Variants in SIPA1L1 observed in about 807,000 individuals in gnomAD.
The protein encoded by SIPA1L1 is signal-induced proliferation-associated 1-like protein 1.
In SIPA1L1, 26 loss-of-function variants were observed where a neutral mutation model predicts 162.7. The observed-to-expected ratio is 0.16, with a 90% CI of 0.12 to 0.22. The LOEUF is 0.22. SIPA1L1 is among the 10% of genes least tolerant of loss of function. The pLI is 1.00. For synonymous variants in SIPA1L1, 829 were observed against 837.4 expected (o/e 0.99, Z 0.17); for missense variants, 1,874 against 2,241.0 (o/e 0.84, Z 3.31).
chr14:71,710,509 G>A (rs995383608), intron 17 of SIPA1L1, among the ~76,000 whole-genome samples: 2 of 152,114 alleles, frequency 1.3e-5, no homozygotes, highest in African/African-American at 2.4e-5. Context: ...GATTATGACC[G>A]CAAGAAAAAT....
chr14:71,718,406 A>G (rs1342346085), intron 17 of SIPA1L1, among the ~76,000 whole-genome samples: 1 of 152,232 alleles, frequency 6.6e-6, no homozygotes, highest in Non-Finnish European at 1.5e-5. Flanking sequence ...GGCATTTCAC[A>G]CCTGGGAGCT....
chr14:71,729,328 G>A (rs908667907), intron 19 of SIPA1L1, among the ~76,000 whole-genome samples: 7 of 152,166 alleles, frequency 4.6e-5, no homozygotes, highest in African/African-American at 1.4e-4. Context: ...GAGCCACCGC[G>A]CCCAGCCTAC....
chr14:71,491,814 C>CACACACA (rs766383755), intron 2 of SIPA1L1, among the ~76,000 whole-genome samples: 2 of 68,898 alleles, frequency 2.9e-5, no homozygotes, highest in African/African-American at 9.4e-5. Flanking sequence ...ACACACACAC[C>CACACACA]CCTTCCCCCG....
Position 71,725,666 on chromosome 14 carries a change from G to A in SIPA1L1, c.4614+831G>A, listed in dbSNP as rs145492466. Among the ~76,000 whole-genome samples the A allele has an allele frequency of 1.7e-4, 26 of 152,196 alleles. No individual in the cohort carries two copies. In the East Asian group the frequency reaches 4.3e-3, roughly 25 times the overall value. On this transcript the variant is annotated intron_variant, in intron 19 of 23. Transcript: ENST00000381232. The stretch of plus-strand genomic sequence containing the variant: ...TGTTCTATAAAGTGTGGAGTCTCAC[G>A]CCCCCGGGGATTGGAATGGGTGTTT...
At chr14:71,568,836 CG>C (rs1341749546) in intron 4 of SIPA1L1, among the ~76,000 whole-genome samples, 1 of 152,132 alleles carries the variant, frequency 6.6e-6, no homozygotes, top group Non-Finnish European at 1.5e-5. Flanking sequence ...AAATGTGTGT[CG>C]GAAGAATGCA....
chr14:71,547,292 C>CTTTTT (rs753714304), intron 4 of SIPA1L1, among the ~76,000 whole-genome samples: 11 of 111,280 alleles, frequency 9.9e-5, no homozygotes, highest in Non-Finnish European at 1.3e-4. Flanking sequence ...ATGAAAATAA[C>CTTTTT]TTTTTTTTTT....
chr14:71,667,385 G>A (rs1365963831), intron 10 of SIPA1L1, among the ~76,000 whole-genome samples: 1 of 152,116 alleles, frequency 6.6e-6, no homozygotes, highest in Non-Finnish European at 1.5e-5. Flanking sequence ...TCAAATCACT[G>A]GCTGTGGCTC....
At chr14:71,337,226 C>T (rs1351934690) in intron 2 of SIPA1L1, among the ~76,000 whole-genome samples, 1 of 152,188 alleles carries the variant, frequency 6.6e-6, no homozygotes, top group Non-Finnish European at 1.5e-5. Context: ...GCTCTGTCCT[C>T]TTCCGTCCTA....
intron 2 of SIPA1L1, among the ~76,000 whole-genome samples, chr14:71,346,199 C>T (rs1041029683): frequency 6.6e-6 from 1 of 152,140 alleles, no homozygotes; most frequent in African/African-American, 2.4e-5. Flanking sequence ...AGCCACCGCA[C>T]CCAGTCAAAT....
chr14:71,722,386 G>T (rs2150193130), intron 17 of SIPA1L1, among the ~76,000 whole-genome samples: 1 of 152,282 alleles, frequency 6.6e-6, no homozygotes, highest in South Asian at 2.1e-4. Context: ...CTTTATTTAG[G>T]TCAGGACGAT....
intron 2 of SIPA1L1, among the ~76,000 whole-genome samples, chr14:71,426,386 T>G (rs2043562977): frequency 6.6e-6 from 1 of 151,986 alleles, no homozygotes. Context: ...CTTTAAAATT[T>G]TTTTTTTCTT....
intron 10 of SIPA1L1, among the ~76,000 whole-genome samples, chr14:71,668,920 A>C (rs1310703477): frequency 6.6e-6 from 1 of 152,232 alleles, no homozygotes; most frequent in African/African-American, 2.4e-5. Flanking sequence ...ACATGCAGCA[A>C]ACTGAGATTC....
chr14:71,419,772 C>T (rs562446558), intron 2 of SIPA1L1, among the ~76,000 whole-genome samples: 2 of 152,044 alleles, frequency 1.3e-5, no homozygotes, highest in African/African-American at 4.8e-5. Context: ...GCTGGGATTA[C>T]AGATGTGAGC....
At chr14:71,380,677 TAGAG>T (rs2039818502) in intron 2 of SIPA1L1, among the ~76,000 whole-genome samples, 1 of 152,198 alleles carries the variant, frequency 6.6e-6, no homozygotes, top group Non-Finnish European at 1.5e-5. Flanking sequence ...TAGGCCTTGA[TAGAG>T]AGCCATAGCT....
intron 2 of SIPA1L1, among the ~76,000 whole-genome samples, chr14:71,472,427 A>C (rs1035994350): frequency 6.6e-6 from 1 of 151,840 alleles, no homozygotes; most frequent in East Asian, 1.9e-4. Flanking sequence ...GGTCATGATG[A>C]CTATAAAAGA....
At chr14:71,411,285 GACTT>G (rs754596183) in intron 2 of SIPA1L1, among the ~76,000 whole-genome samples, 7 of 152,134 alleles carry the variant, frequency 4.6e-5, no homozygotes, top group African/African-American at 1.2e-4. Context: ...TTTATTTAAA[GACTT>G]ACTTAAATCT....
chr14:71,444,906 A>T (rs2045226226), intron 2 of SIPA1L1, among the ~76,000 whole-genome samples: 1 of 152,234 alleles, frequency 6.6e-6, no homozygotes, highest in Non-Finnish European at 1.5e-5. Flanking sequence ...GCTACTAGCT[A>T]GTGCTTGTTC....
intron 4 of SIPA1L1, among the ~76,000 whole-genome samples, chr14:71,538,742 T>C (rs150730964): frequency 6.6e-6 from 1 of 151,856 alleles, no homozygotes; most frequent in East Asian, 1.9e-4. Context: ...TTTTGGAGTT[T>C]GTGTCTGTTT....
At chr14:71,432,590 C>G (rs35195338) in intron 2 of SIPA1L1, among the ~76,000 whole-genome samples, 1,922 of 152,280 alleles carry the variant, frequency 0.013, 17 homozygotes, top group South Asian at 0.023. Context: ...TTTCTGGTTT[C>G]TATGATCTGC....
Sources: allele counts gnomAD v4.1 joint callset (sites outside exome capture counted in the v4.1 genomes callset), GRCh38; gene constraint gnomAD v4.1.1; transcripts MANE v1.5; gene names NCBI Gene and HGNC (gene_info 2026-07-23, HGNC 2026-07-21).